EPHA3: variants seen among roughly 807,000 people sequenced by gnomAD.
EPHA3 encodes EPH receptor A3, also known as ephrin type-A receptor 3.
A neutral mutation model predicts 107.1 loss-of-function variants in EPHA3; 42 were observed. The observed-to-expected ratio is 0.39, with a 90% CI of 0.31 to 0.51. The LOEUF (loss-of-function observed/expected upper bound fraction) is 0.51, where lower values mean the gene tolerates loss of function less well. Among genes scored for constraint, EPHA3 ranks in the 20% least tolerant of loss-of-function variants. The probability of loss-of-function intolerance (pLI) is 0.78; values close to 1 mark genes in which losing one functional copy is unlikely to be tolerated. For synonymous variants in EPHA3, 461 were observed against 424.8 expected, an observed-to-expected ratio of 1.09 and a Z score of -1.05; for missense variants, 1,183 against 1,211.2, an observed-to-expected ratio of 0.98 and a Z score of 0.35.
chr3:89,192,717 C>A (rs1705748731), intron 2 of EPHA3, among the ~76,000 whole-genome samples: 1 of 151,914 alleles, frequency 6.6e-6, no homozygotes, highest in Non-Finnish European at 1.5e-5. Flanking sequence ...AATAGAGGAT[C>A]CTAATACAGA....
At chr3:89,208,902 G>T (rs1008364672) in intron 2 of EPHA3, among the ~76,000 whole-genome samples, 7 of 152,092 alleles carry the variant, frequency 4.6e-5, no homozygotes, top group Non-Finnish European at 1.0e-4. Context: ...GTAGTTTCCT[G>T]CAAGAAGTAA....
intron 2 of EPHA3, among the ~76,000 whole-genome samples, chr3:89,146,479 T>C (rs1704561621): frequency 6.6e-6 from 1 of 152,038 alleles, no homozygotes; most frequent in South Asian, 2.1e-4. Flanking sequence ...GCCAACTTTT[T>C]TGATGGGTGG....
At chr3:89,426,557 C>T in intron 11 of EPHA3, among the ~76,000 whole-genome samples, 1 of 151,746 alleles carries the variant, frequency 6.6e-6, no homozygotes, top group East Asian at 1.9e-4. Context: ...GGTCATGGGG[C>T]TTTGACTTAA....
At chr3:89,227,103 G>A (rs374098839) in intron 3 of EPHA3, among the ~76,000 whole-genome samples, 40 of 152,106 alleles carry the variant, frequency 2.6e-4, no homozygotes, top group African/African-American at 9.1e-4. Context: ...ATATGCAAAC[G>A]TTCAGTCAGG....
chr3:89,260,645 G>A (rs556197962), intron 3 of EPHA3, among the ~76,000 whole-genome samples: 1 of 152,006 alleles, frequency 6.6e-6, no homozygotes, highest in African/African-American at 2.4e-5. Flanking sequence ...GTTTGCATTT[G>A]GTTGCATTTT....
At chr3:89,449,403 G>A (rs771901038) in intron 14 of EPHA3, 29 bp downstream of exon 14, 53 of 1,524,566 alleles carry the variant, frequency 3.5e-5, no homozygotes, top group Non-Finnish European at 4.7e-5. Context: ...TGAGTTATGA[G>A]TTCAGATGAA....
chr3:89,442,985 T>C (rs1709812809), intron 13 of EPHA3, among the ~76,000 whole-genome samples: 1 of 152,208 alleles, frequency 6.6e-6, no homozygotes, highest in African/African-American at 2.4e-5. Context: ...ATTTTCATTT[T>C]ATTAAGACAT....
At chr3:89,371,420 G>C (rs568969129) in intron 5 of EPHA3, among the ~76,000 whole-genome samples, 1 of 151,488 alleles carries the variant, frequency 6.6e-6, no homozygotes, top group Non-Finnish European at 1.5e-5. Context: ...TTTCATTCTG[G>C]GTCCACTTCT....
intron 15 of EPHA3, among the ~76,000 whole-genome samples, chr3:89,456,458 C>A (rs1710099353): frequency 6.6e-6 from 1 of 151,940 alleles, no homozygotes; most frequent in Non-Finnish European, 1.5e-5. Flanking sequence ...TTCTTGGTGG[C>A]TAAGTACCTT....
chr3:89,125,863 G>T (rs534014445), intron 1 of EPHA3, among the ~76,000 whole-genome samples: 5 of 151,426 alleles, frequency 3.3e-5, no homozygotes, highest in Non-Finnish European at 3.0e-5. Context: ...GAAACCTAAT[G>T]TCTATCAAAT....
At chr3:89,171,083 G>A (rs1396019348) in intron 2 of EPHA3, among the ~76,000 whole-genome samples, 1 of 151,816 alleles carries the variant, frequency 6.6e-6, no homozygotes, top group Non-Finnish European at 1.5e-5. Flanking sequence ...GTACAAATTA[G>A]CCTTGATATT....
chr3:89,284,082 C>A (rs1706014694), intron 3 of EPHA3, among the ~76,000 whole-genome samples: 1 of 151,966 alleles, frequency 6.6e-6, no homozygotes, highest in Non-Finnish European at 1.5e-5. Flanking sequence ...TGATCAGAAA[C>A]TGTTATCAAA....
At chr3:89,267,997 A>G (rs776893937) in intron 3 of EPHA3, among the ~76,000 whole-genome samples, 5 of 152,150 alleles carry the variant, frequency 3.3e-5, no homozygotes, top group Non-Finnish European at 7.4e-5. Context: ...CTCATTTCAC[A>G]TTGACCTTCA....
At chr3:89,219,187 G>C (rs1245173237) in intron 3 of EPHA3, among the ~76,000 whole-genome samples, 1 of 151,286 alleles carries the variant, frequency 6.6e-6, no homozygotes, top group East Asian at 1.9e-4. Flanking sequence ...TTTCGAGATG[G>C]AGTTTTGCTC....
At chr3:89,371,584 G>A (rs1708304631) in intron 5 of EPHA3, among the ~76,000 whole-genome samples, 1 of 151,480 alleles carries the variant, frequency 6.6e-6, no homozygotes, top group South Asian at 2.1e-4. Flanking sequence ...TGTCAGCCAG[G>A]GCCACCTCCA....
chr3:89,193,659 C>T (rs1019523919), intron 2 of EPHA3, among the ~76,000 whole-genome samples: 5 of 151,930 alleles, frequency 3.3e-5, no homozygotes, highest in African/African-American at 1.2e-4. Flanking sequence ...GTTCACTGTA[C>T]ATTATATATT....
chr3:89,211,124 G>T lies in EPHA3; in HGVS notation c.814+604G>T, dbSNP rs11920405. On this transcript the variant is annotated intron_variant, in intron 3 of 16. Coordinates refer to ENST00000336596, the MANE Select transcript of EPHA3 (RefSeq NM_005233.6). The stretch of plus-strand genomic sequence containing the variant: ...GATTTTTAAGTGTCTTTTGCACCAT[G>T]ATTTGGCTCGTTTTAGTGCTCAAAA... Among the ~76,000 whole-genome samples, 269 of 152,168 alleles carry T rather than the reference G, an allele frequency of 1.8e-3. 1 individual carries two copies. The highest frequency in any genetic ancestry group is 5.9e-3 in the African/African-American group (247 of 41,538).
chr3:89,342,350 A>T (rs1020996113), intron 5 of EPHA3, among the ~76,000 whole-genome samples: 1 of 152,120 alleles, frequency 6.6e-6, no homozygotes, highest in Non-Finnish European at 1.5e-5. Flanking sequence ...TGAGGCTCTC[A>T]GATAGTAGTA....
At position 89,418,912 on chromosome 3, in the gene EPHA3, T is replaced by C. The variant is rs373808894; in HGVS notation, c.1889-293T>C. Among the ~76,000 whole-genome samples the C allele has an allele frequency of 7.9e-5, 12 of 151,616 alleles. No individual in the cohort carries two copies. In the East Asian group the frequency reaches 2.3e-3, roughly 30 times the overall value. Reference sequence around the variant, plus strand: ...AACAAGGGGTAAAAAATCTAACATATGCAGCTTTCAACTTATCTCTCCTTT... The same window carrying C: ...AACAAGGGGTAAAAAATCTAACATACGCAGCTTTCAACTTATCTCTCCTTT... On this transcript the variant is annotated intron_variant, in intron 10 of 16. Transcript: ENST00000336596.
Sources: gnomAD v4.1 joint callset for allele counts (sites outside exome capture counted in the v4.1 genomes callset) on GRCh38, gnomAD v4.1.1 for gene constraint, MANE v1.5 for transcripts, NCBI Gene and HGNC (gene_info 2026-07-23, HGNC 2026-07-21) for gene names.